TTC17: variants seen among roughly 807,000 people sequenced by gnomAD.
TTC17 encodes the protein tetratricopeptide repeat domain 17.
TTC17 carries 58 observed loss-of-function variants against 143.8 expected under a neutral mutation model. The ratio of observed to expected loss-of-function variants is 0.40; its 90% CI spans 0.33 to 0.50. TTC17 has a LOEUF of 0.50. TTC17 is among the 20% of genes least tolerant of loss of function. The probability of loss-of-function intolerance (pLI) is 0.49; values close to 1 mark genes in which losing one functional copy is unlikely to be tolerated. For synonymous variants in TTC17, 501 were observed against 497.8 expected (o/e 1.01, Z -0.09); for missense variants, 1,273 against 1,392.5 (o/e 0.91, Z 1.37).
intron 21 of TTC17, among the ~76,000 whole-genome samples, chr11:43,453,727 T>TC (rs1564969777): frequency 6.6e-6 from 1 of 152,198 alleles, no homozygotes; most frequent in Non-Finnish European, 1.5e-5. Flanking sequence ...CAAGACAGTA[T>TC]CGTATGTTAT....
At chr11:43,415,823 C>T (rs1946765568) in intron 16 of TTC17, among the ~76,000 whole-genome samples, 1 of 152,116 alleles carries the variant, frequency 6.6e-6, no homozygotes, top group Non-Finnish European at 1.5e-5. Flanking sequence ...AGCAATATAC[C>T]TCTGTAGCTC....
In TTC17 at chr11:43,358,980, G is replaced by A; in HGVS notation, c.26G>A (p.Gly9Asp). Residue 9 changes from glycine to aspartate, a missense_variant, in exon 1 of 24, where the codon GGC becomes GAC. By Grantham distance (94) the Gly-to-Asp change is moderately conservative (BLOSUM62 -1). Transcript: ENST00000039989. MAAAVGVR[G>D]RYELPPCSGP... ...ATGGCGGCGGCAGTAGGGGTTCGTG[G>A]CCGGTACGAGCTGCCGCCTTGCTCC... 6.3e-7 allele frequency: 1 copy of A among 1,579,692 alleles called. No individual in the cohort carries two copies. The highest frequency in any genetic ancestry group is 8.6e-7 in the Non-Finnish European group (1 of 1,163,630).
intron 16 of TTC17, among the ~76,000 whole-genome samples, chr11:43,440,480 C>T (rs1947391311): frequency 6.6e-6 from 1 of 152,130 alleles, no homozygotes; most frequent in African/African-American, 2.4e-5. Context: ...CACCTTTGAG[C>T]CTATCCTATT....
At chr11:43,389,628 C>T in intron 2 of TTC17, 24 bp from the exon 3 acceptor site, 1 of 1,587,320 alleles carries the variant, frequency 6.3e-7, no homozygotes, top group Non-Finnish European at 8.6e-7. Flanking sequence ...AGAATCCATT[C>T]TGTTCTTACT....
intron 1 of TTC17, among the ~76,000 whole-genome samples, chr11:43,367,467 A>C (rs2134442159): frequency 6.6e-6 from 1 of 152,358 alleles, no homozygotes; most frequent in East Asian, 1.9e-4. Context: ...GAGAAATGGC[A>C]GCTGCACTGT....
intron 21 of TTC17, among the ~76,000 whole-genome samples, chr11:43,481,463 T>G (rs1235846101): frequency 2.0e-5 from 3 of 152,166 alleles, no homozygotes; most frequent in Non-Finnish European, 4.4e-5. Flanking sequence ...CTGTAGAGAA[T>G]TCCTTAATAT....
intron 9 of TTC17, among the ~76,000 whole-genome samples, chr11:43,401,032 G>A (rs1490553550): frequency 6.6e-6 from 1 of 152,174 alleles, no homozygotes; most frequent in South Asian, 2.1e-4. Context: ...AGTATGCTCA[G>A]TCTTTGGAAT....
chr11:43,445,232 T>C (rs1947515452), intron 18 of TTC17, among the ~76,000 whole-genome samples: 1 of 152,208 alleles, frequency 6.6e-6, no homozygotes, highest in Non-Finnish European at 1.5e-5. Context: ...TCAATATCTC[T>C]GAAATTGGAA....
chr11:43,396,750 C>T lies in TTC17; in HGVS notation c.705C>T (p.Tyr235=), dbSNP rs1359937171. ...SWVLYNMASF[Y]WRIKNEPYQV... ...TACTGTATAACATGGCTTCATTTTA[C>T]TGGAGAATTAAGAATGAGCCATATC... Residue 235 remains tyrosine, a synonymous_variant, in exon 6 of 24, where the codon TAC becomes TAT. Transcript: ENST00000039989. The T allele has an allele frequency of 6.2e-7, 1 of 1,608,826 alleles. No homozygotes were observed. Among genetic ancestry groups the T allele is most frequent in the Admixed American group, 1.7e-5 (1 of 59,830 alleles).
chr11:43,475,332 GT>G (rs1415460143), intron 21 of TTC17, among the ~76,000 whole-genome samples: 1 of 152,048 alleles, frequency 6.6e-6, no homozygotes, highest in Admixed American at 6.6e-5. Context: ...GGTGACTTGG[GT>G]GCTGTTAAAG....
intron 21 of TTC17, among the ~76,000 whole-genome samples, chr11:43,471,440 A>G (rs1306867448): frequency 1.3e-5 from 2 of 152,144 alleles, no homozygotes; most frequent in Non-Finnish European, 2.9e-5. Flanking sequence ...TCCCACCCCC[A>G]GCCCGTCATC....
chr11:43,449,932 T>C (rs1355622011), intron 19 of TTC17, 150 bp from the exon 20 acceptor site: 1 of 852,732 alleles, frequency 1.2e-6, no homozygotes, highest in Non-Finnish European at 1.8e-6. Flanking sequence ...AGAAGAAAAC[T>C]TACTTCGTTT....
chr11:43,490,176 A>G (rs1418314134), intron 21 of TTC17, 63 bp from the exon 22 acceptor site: 1 of 1,553,642 alleles, frequency 6.4e-7, no homozygotes, highest in African/African-American at 1.4e-5. Context: ...ACTGAACTTA[A>G]TCTTGGTAAT....
At chr11:43,462,861 A>T (rs980425014) in intron 21 of TTC17, among the ~76,000 whole-genome samples, 2 of 152,048 alleles carry the variant, frequency 1.3e-5, no homozygotes, top group Admixed American at 1.3e-4. Flanking sequence ...CAAAAACACC[A>T]CAATTACAAA....
Position 43,391,885 on chromosome 11 carries a change from A to G in TTC17, c.596A>G (p.Tyr199Cys). 1 of 1,613,978 alleles carries G rather than the reference A, an allele frequency of 6.2e-7. No individual in the cohort carries two copies. Among genetic ancestry groups the G allele is most frequent in the East Asian group, 2.2e-5 (1 of 44,856 alleles). Reference protein sequence around the residue: ...LLPKEDPIFTYLSKRLGRSID... With the variant: ...LLPKEDPIFTCLSKRLGRSID... ...CCTAAAGAAGACCCAATCTTCACAT[A>G]TTTATCTAAACGGTTAGGAAGGAGT... Residue 199 changes from tyrosine (Y) to cysteine (C), a missense_variant, in exon 5 of 24, where the codon TAT becomes TGT. This residue lies in a region of TTC17 where 325 missense variants were observed against 444.2 expected (regional missense o/e 0.73). Transcript: ENST00000039989.
chr11:43,390,214 A>C (rs1244556772), intron 3 of TTC17: 1 of 153,398 alleles, frequency 6.5e-6, no homozygotes, highest in East Asian at 1.9e-4. Context: ...AGGAGGCTAA[A>C]CTGAGAGGAT....
chr11:43,361,485 ACATT>A (rs1267538256), intron 1 of TTC17, among the ~76,000 whole-genome samples: 1 of 152,234 alleles, frequency 6.6e-6, no homozygotes, highest in East Asian at 1.9e-4. Context: ...CACAATACTT[ACATT>A]AGCCAAATTT....
intron 1 of TTC17, among the ~76,000 whole-genome samples, chr11:43,362,888 G>A (rs1016101885): frequency 6.6e-6 from 1 of 152,224 alleles, no homozygotes; most frequent in Admixed American, 6.5e-5. Flanking sequence ...GATGTGGAGA[G>A]AACATTCCAA....
chr11:43,431,811 G>A (rs1947165718), intron 16 of TTC17, among the ~76,000 whole-genome samples: 1 of 152,214 alleles, frequency 6.6e-6, no homozygotes, highest in Admixed American at 6.5e-5. Flanking sequence ...AACATAGTGA[G>A]ACCCCCATCT....
Sources: gnomAD v4.1 joint callset for allele counts (sites outside exome capture counted in the v4.1 genomes callset) on GRCh38, gnomAD v4.1.1 for gene constraint, gnomAD v4.1.1 regional missense constraint, MANE v1.5 for transcripts, NCBI Gene and HGNC (gene_info 2026-07-23, HGNC 2026-07-21) for gene names.